Variants in DPP10 observed in about 807,000 individuals in gnomAD.
DPP10 encodes inactive dipeptidyl peptidase 10.
Under a neutral mutation model 120.9 loss-of-function variants are expected in DPP10, and 33 were observed. The observed-to-expected ratio is 0.27, with a 90% CI of 0.21 to 0.37. The LOEUF (loss-of-function observed/expected upper bound fraction) is 0.37, where lower values mean the gene tolerates loss of function less well. Ranked by LOEUF, DPP10 falls within the 10% of genes least tolerant of loss-of-function variation. The pLI is 1.00. For missense variants in DPP10, 816 were observed against 942.8 expected (o/e 0.87, Z 1.76); for synonymous variants, 337 against 326.1 (o/e 1.03, Z -0.36).
rs568501737 is a variant in DPP10 at position 115,174,054 on chromosome 2, G to A, written c.61-135185G>A. On this transcript the variant is annotated intron_variant, in intron 1 of 25. Coordinates refer to ENST00000410059, the MANE Select transcript of DPP10 (RefSeq NM_020868.6). ...TGAGAATGTAAGTGGAAAGGTTCCA[G>A]CTGGTTTAGGATTTTATTTTTATTT... 2.0e-5 allele frequency among the ~76,000 whole-genome samples: 3 copies of A among 152,304 alleles called. No homozygotes were observed. In the East Asian group the frequency reaches 5.8e-4, roughly 29 times the overall value.
rs528520936 is a variant in DPP10 at position 114,960,446 on chromosome 2, A to G, written c.61-348793A>G. Among the ~76,000 whole-genome samples, 31 of 151,712 alleles carry G rather than the reference A, an allele frequency of 2.0e-4. 1 individual carries two copies. In the Middle Eastern group the frequency reaches 0.021, roughly 101 times the overall value. On this transcript the variant is annotated intron_variant, in intron 1 of 25. Coordinates refer to ENST00000410059, the MANE Select transcript of DPP10 (RefSeq NM_020868.6). ...GAAATAACTGCTGGAAAACCAAAAA[A>G]TTGGGATACTATTTGCAAAGTTAAT...
intron 4 of DPP10, among the ~76,000 whole-genome samples, chr2:115,503,816 T>G (rs576570906): frequency 3.3e-5 from 5 of 152,194 alleles, no homozygotes; most frequent in African/African-American, 1.2e-4. Flanking sequence ...TGGAGACATT[T>G]TTGATTGTCC....
intron 12 of DPP10, 124 bp from the exon 13 acceptor site, chr2:115,768,173 G>C: frequency 1.4e-6 from 1 of 735,386 alleles, no homozygotes; most frequent in East Asian, 3.0e-5. Flanking sequence ...TTAAAATAAT[G>C]TGCCCATTTT....
At position 115,271,226 on chromosome 2, in the gene DPP10, A is replaced by G. The variant is rs565451604; in HGVS notation, c.61-38013A>G. ...GGTTGATGTGGACAACATTAAAATA[A>G]ATGTTAACCTTATTCTGTATTTATG... On this transcript the variant is annotated intron_variant, in intron 1 of 25. Coordinates refer to ENST00000410059, the MANE Select transcript of DPP10 (RefSeq NM_020868.6). 2.0e-5 allele frequency among the ~76,000 whole-genome samples: 3 copies of G among 152,356 alleles called. No homozygotes were observed. The East Asian group carries it at 5.8e-4, about 29-fold the overall frequency.
intron 1 of DPP10, among the ~76,000 whole-genome samples, chr2:114,543,835 G>T (rs1185059455): frequency 1.3e-5 from 2 of 151,526 alleles, no homozygotes; most frequent in African/African-American, 4.9e-5. Context: ...TAGACTTTTG[G>T]CCTATCTCAG....
intron 1 of DPP10, among the ~76,000 whole-genome samples, chr2:114,920,151 GGATT>G (rs1275795709): frequency 6.6e-6 from 1 of 152,164 alleles, no homozygotes; most frequent in African/African-American, 2.4e-5. Flanking sequence ...GGGGTGGAGA[GGATT>G]GACAGTGGTT....
At chr2:114,651,596 T>C (rs898243334) in intron 1 of DPP10, among the ~76,000 whole-genome samples, 3 of 152,176 alleles carry the variant, frequency 2.0e-5, no homozygotes, top group African/African-American at 7.2e-5. Flanking sequence ...TCCGTGACAC[T>C]GTTTTAAAAA....
At chr2:114,683,844 AT>A (rs1699193275) in intron 1 of DPP10, among the ~76,000 whole-genome samples, 1 of 152,002 alleles carries the variant, frequency 6.6e-6, no homozygotes, top group Admixed American at 6.6e-5. Context: ...ATCTTTCAAG[AT>A]TTAACCCCCT....
At chr2:115,488,791 T>G in intron 3 of DPP10, among the ~76,000 whole-genome samples, 1 of 128,266 alleles carries the variant, frequency 7.8e-6, no homozygotes, top group Non-Finnish European at 1.6e-5. Context: ...GATGACACAT[T>G]AGTGGGTGCA....
At chr2:115,817,840 A>G (rs923367022) in intron 21 of DPP10, among the ~76,000 whole-genome samples, 4 of 152,152 alleles carry the variant, frequency 2.6e-5, no homozygotes, top group Admixed American at 1.3e-4. Context: ...AGAAGGACAA[A>G]TACTGTATAA....
chr2:114,637,475 G>A (rs923997657), intron 1 of DPP10, among the ~76,000 whole-genome samples: 7 of 151,984 alleles, frequency 4.6e-5, no homozygotes, highest in African/African-American at 1.7e-4. Flanking sequence ...CTGTGCAGAA[G>A]CTCTTTAGTT....
chr2:115,469,724 C>T (rs186936114), intron 3 of DPP10, among the ~76,000 whole-genome samples: 1 of 151,768 alleles, frequency 6.6e-6, no homozygotes, highest in South Asian at 2.1e-4. Context: ...CGTGGAGAAA[C>T]CCCATCTCTA....
intron 5 of DPP10, among the ~76,000 whole-genome samples, chr2:115,558,962 G>T (rs948565851): frequency 9.2e-5 from 14 of 152,130 alleles, no homozygotes; most frequent in African/African-American, 2.4e-4. Flanking sequence ...TGAATTGCCC[G>T]CAGTGAGCTA....
chr2:115,285,314 G>A (rs1486622929), intron 1 of DPP10, among the ~76,000 whole-genome samples: 5 of 151,990 alleles, frequency 3.3e-5, no homozygotes, highest in South Asian at 4.1e-4. Context: ...GCTTAAAGAT[G>A]CATTGCCTGT....
At chr2:114,835,981 A>G (rs1440770734) in intron 1 of DPP10, among the ~76,000 whole-genome samples, 1 of 152,092 alleles carries the variant, frequency 6.6e-6, no homozygotes, top group African/African-American at 2.4e-5. Context: ...TCCTCTTCCC[A>G]CATTTAAACT....
At chr2:115,612,484 A>G (rs141838613) in intron 5 of DPP10, among the ~76,000 whole-genome samples, 15 of 152,312 alleles carry the variant, frequency 9.8e-5, no homozygotes, top group Admixed American at 2.6e-4. Flanking sequence ...ATGCAACATT[A>G]TCATTATTGC....
chr2:114,714,409 C>CT (rs1211341633), intron 1 of DPP10, among the ~76,000 whole-genome samples: 1 of 152,144 alleles, frequency 6.6e-6, no homozygotes, highest in Admixed American at 6.6e-5. Context: ...CACTGAAACA[C>CT]TAGTGAGAGC....
chr2:115,214,567 G>C lies in DPP10; in HGVS notation c.61-94672G>C, dbSNP rs149862839. On this transcript the variant is annotated intron_variant, in intron 1 of 25. Transcript: ENST00000410059. ...GAAATATTGATCAATATTGCCATGG[G>C]GTATACATTTTATATATGAAATAAT... 7.2e-5 allele frequency among the ~76,000 whole-genome samples: 11 copies of C among 152,158 alleles called. 2 individuals carry two copies. Among genetic ancestry groups the C allele is most frequent in the African/African-American group, 2.6e-4 (11 of 41,514 alleles).
At chr2:114,840,830 GA>G (rs1223218845) in intron 1 of DPP10, among the ~76,000 whole-genome samples, 2 of 152,116 alleles carry the variant, frequency 1.3e-5, no homozygotes, top group African/African-American at 2.4e-5. Context: ...GATTTTCCCT[GA>G]ACCTTATATG....
Sources: allele counts gnomAD v4.1 joint callset (sites outside exome capture counted in the v4.1 genomes callset), GRCh38; gene constraint gnomAD v4.1.1; transcripts MANE v1.5; gene names NCBI Gene and HGNC (gene_info 2026-07-23, HGNC 2026-07-21).